Variants in SMYD4 observed in about 807,000 individuals in gnomAD.
SMYD4 encodes the protein SET and MYND domain containing 4.
Under a neutral mutation model 72.8 loss-of-function variants are expected in SMYD4, and 68 were observed. The ratio of observed to expected loss-of-function variants is 0.93; its 90% CI spans 0.77 to 1.14. The LOEUF is 1.14. Among genes scored for constraint, SMYD4 ranks in the 50% most tolerant of loss-of-function variants. SMYD4 has a pLI of 0.00. For synonymous variants in SMYD4, 407 were observed against 388.6 expected (o/e 1.05, Z -0.56); for missense variants, 984 against 1,003.7 (o/e 0.98, Z 0.27).
intron 5 of SMYD4, 44 bp downstream of exon 5, chr17:1,799,813 T>A: frequency 6.7e-7 from 1 of 1,501,252 alleles, no homozygotes; most frequent in South Asian, 1.3e-5. Context: ...ACCTGCTCCA[T>A]CGAGAACAAT....
chr17:1,805,103 T>C (rs1368905525), intron 3 of SMYD4, among the ~76,000 whole-genome samples: 1 of 151,914 alleles, frequency 6.6e-6, no homozygotes, highest in Non-Finnish European at 1.5e-5. Context: ...GATAGCCAAA[T>C]AGATGAAAAT....
At chr17:1,788,618 G>A (rs2045534279) in intron 5 of SMYD4, among the ~76,000 whole-genome samples, 1 of 148,908 alleles carries the variant, frequency 6.7e-6, no homozygotes, top group African/African-American at 2.5e-5. Context: ...GGTGGTACGT[G>A]CCTGTAGTCC....
At position 1,789,764 on chromosome 17, in the gene SMYD4, C is replaced by CCAAAAAAAAAAAAAAAAAAA; in HGVS notation, c.1538-2161_1538-2160insTTTTTTTTTTTTTTTTTTTG. Reference sequence around the variant, plus strand: ...TGGGTGAAAGAGCGAGACTCTGTCTCAAAAAAAAAAAAAAAGTTTTATAAA... The same window carrying CCAAAAAAAAAAAAAAAAAAA: ...TGGGTGAAAGAGCGAGACTCTGTCTCCAAAAAAAAAAAAAAAAAAAAAAAAAAAAAAAAAAGTTTTATAAA... On this transcript the variant is annotated intron_variant, in intron 5 of 10. Transcript: ENST00000305513. Among the ~76,000 whole-genome samples, 2 of 90,098 alleles carry CCAAAAAAAAAAAAAAAAAAA rather than the reference C, an allele frequency of 2.2e-5. 1 individual carries two copies. Among genetic ancestry groups the CCAAAAAAAAAAAAAAAAAAA allele is most frequent in the Non-Finnish European group, 4.8e-5 (2 of 41,408 alleles). 59.1% of individuals were successfully genotyped at this position (90,098 alleles called of 152,430 possible).
At chr17:1,794,504 T>C (rs941068981) in intron 5 of SMYD4, among the ~76,000 whole-genome samples, 1 of 88,630 alleles carries the variant, frequency 1.1e-5, no homozygotes, top group Non-Finnish European at 2.6e-5. Context: ...TTACCTAAAT[T>C]TGACATTCTA....
intron 5 of SMYD4, among the ~76,000 whole-genome samples, chr17:1,794,065 A>ATATATGCGTATATATGTG (rs1555575715): frequency 3.4e-5 from 2 of 58,332 alleles, no homozygotes; most frequent in African/African-American, 1.2e-4. Context: ...GTGTATATAT[A>ATATATGCGTATATATGTG]TGTGTATATA....
chr17:1,825,511 CTT>C (rs58470302), intron 2 of SMYD4, among the ~76,000 whole-genome samples: 7,628 of 107,716 alleles, frequency 0.071, 569 homozygotes, highest in African/African-American at 0.23. Context: ...CATTTTCTTT[CTT>C]TTTTTTTTTT....
rs79652175 is a variant in SMYD4 at position 1,783,673 on chromosome 17, G to A, written c.2021-197C>T. The A allele has an allele frequency of 5.1e-4, 490 of 963,840 alleles. No individual in the cohort carries two copies. The East Asian group carries it at 0.01, about 20-fold the overall frequency. The allele number at this position is 963,840 out of a possible 1,614,324, so 59.7% of individuals were successfully genotyped here. A position where few individuals can be genotyped will look rare whatever the true frequency, so the allele number is the denominator to read the frequency against. The stretch of plus-strand genomic sequence containing the variant: ...CTGTTTTCTCTGTCAGTGGAGAAAG[G>A]CGCTAGGGGAGGCCTCCCCACATTT... On this transcript the variant is annotated intron_variant, in intron 8 of 10. Coordinates refer to ENST00000305513, the MANE Select transcript of SMYD4 (RefSeq NM_052928.3).
intron 2 of SMYD4, among the ~76,000 whole-genome samples, chr17:1,824,640 G>A (rs1911067275): frequency 6.6e-6 from 1 of 151,996 alleles, no homozygotes; most frequent in South Asian, 2.1e-4. Flanking sequence ...TATTTTTTGA[G>A]ATGGAGTCTT....
Position 1,779,855 on chromosome 17 carries a change from G to C in SMYD4, c.*1431C>G. 6.6e-6 allele frequency: 1 copy of C among 152,600 alleles called. No homozygotes were observed. Among genetic ancestry groups the C allele is most frequent in the East Asian group, 1.9e-4 (1 of 5,202 alleles). The allele number at this position is 152,600 out of a possible 1,614,324, so 9.5% of individuals were successfully genotyped here. On this transcript the variant is annotated 3_prime_UTR_variant, in exon 11 of 11. Transcript: ENST00000305513. ...TTTAATTACAATGTAACTACTAAGA[G>C]CTTCAGTTCCCACTGGAGTGGTGCA... is the stretch of plus-strand genomic sequence containing the variant.
intron 2 of SMYD4, among the ~76,000 whole-genome samples, chr17:1,820,912 AATC>A (rs1910852508): frequency 6.6e-6 from 1 of 152,206 alleles, no homozygotes; most frequent in African/African-American, 2.4e-5. Flanking sequence ...CAGAAGTTTA[AATC>A]TTTTTTGGTT....
rs763210221 is a variant in SMYD4 at position 1,800,965 on chromosome 17, G to C, written c.429C>G (p.Pro143=). ...QTHGYPERLQ[P]KIMLRKAECL... is the part of the protein sequence containing the mutation. ...ATTCTGCTTTACGTAACATAATCTT[G>C]GGTTGCAACCTTTCTGGATACCCAT... The change falls in exon 5 of 11, where the codon CCC becomes CCG. Residue 143 remains proline, a synonymous_variant. Transcript: ENST00000305513. 6.2e-7 allele frequency: 1 copy of C among 1,614,010 alleles called. No individual in the cohort carries two copies. The highest frequency in any genetic ancestry group is 8.5e-7 in the Non-Finnish European group (1 of 1,179,938).
chr17:1,795,485 C>T lies in SMYD4; in HGVS notation c.1537+4372G>A, dbSNP rs1909356095. Among the ~76,000 whole-genome samples, 5 of 152,256 alleles carry T rather than the reference C, an allele frequency of 3.3e-5. No individual in the cohort carries two copies. In the South Asian group the frequency reaches 1.0e-3, roughly 32 times the overall value. ...TATCTAAGAGACTTGCTGTGTCACC[C>T]TGGCTGGAGTACAGTGGCACGATCT... On this transcript the variant is annotated intron_variant, in intron 5 of 10. Transcript: ENST00000305513.
At chr17:1,788,937 C>T (rs567158063) in intron 5 of SMYD4, among the ~76,000 whole-genome samples, 30 of 152,204 alleles carry the variant, frequency 2.0e-4, no homozygotes, top group African/African-American at 6.7e-4. Context: ...CTTCAGTAGT[C>T]TCAATTTAAG....
At chr17:1,785,479 G>A (rs574298200) in intron 7 of SMYD4, among the ~76,000 whole-genome samples, 9 of 151,336 alleles carry the variant, frequency 5.9e-5, no homozygotes, top group African/African-American at 1.5e-4. Context: ...AAGGCTGGGC[G>A]TGGTGGCTCA....
Position 1,784,481 on chromosome 17 carries a change from C to G in SMYD4, c.1885-20G>C. 1 of 1,613,726 alleles carries G rather than the reference C, an allele frequency of 6.2e-7. No homozygotes were observed. Among genetic ancestry groups the G allele is most frequent in the Non-Finnish European group, 8.5e-7 (1 of 1,179,858 alleles). On this transcript the variant is annotated intron_variant, in intron 7 of 10. Transcript: ENST00000305513. ...ATCTCCCTGTGGAAGTCAGTTTTCT[C>G]TTTATTCCAATGCCAGGGTCAGTTA...
At chr17:1,812,244 T>C (rs1344733598) in intron 2 of SMYD4, 129 bp from the exon 3 acceptor site, 6 of 1,068,720 alleles carry the variant, frequency 5.6e-6, no homozygotes, top group Non-Finnish European at 8.0e-6. Flanking sequence ...ATGTACATTG[T>C]GCAATGTGAT....
At chr17:1,814,420 T>C (rs1174579223) in intron 2 of SMYD4, 7 of 152,250 alleles carry the variant, frequency 4.6e-5, no homozygotes, top group Admixed American at 4.6e-4. Context: ...CTCAGTATAA[T>C]GCTTTTGTGT....
At chr17:1,823,776 T>C (rs1911016612) in intron 2 of SMYD4, among the ~76,000 whole-genome samples, 2 of 152,160 alleles carry the variant, frequency 1.3e-5, no homozygotes, top group African/African-American at 4.8e-5. Flanking sequence ...AGAAGTTTTC[T>C]GCTGAAACTT....
intron 2 of SMYD4, among the ~76,000 whole-genome samples, chr17:1,815,763 G>A (rs933700796): frequency 1.3e-5 from 2 of 149,274 alleles, no homozygotes; most frequent in Non-Finnish European, 3.0e-5. Context: ...GCAATGGTGT[G>A]ATCTCGGCTC....
Sources: allele counts gnomAD v4.1 joint callset (sites outside exome capture counted in the v4.1 genomes callset), GRCh38; gene constraint gnomAD v4.1.1; transcripts MANE v1.5; gene names NCBI Gene and HGNC (gene_info 2026-07-23, HGNC 2026-07-21).